EPB41: variants seen among roughly 807,000 people sequenced by gnomAD.
The protein encoded by EPB41 is erythrocyte membrane protein band 4.1.
A neutral mutation model predicts 108.0 loss-of-function variants in EPB41; 65 were observed. The ratio of observed to expected loss-of-function variants is 0.60; its 90% confidence interval spans 0.49 to 0.74. The LOEUF (loss-of-function observed/expected upper bound fraction) is 0.74, where lower values mean the gene tolerates loss of function less well. Among genes scored for constraint, EPB41 ranks in the 30% least tolerant of loss-of-function variants. EPB41 has a pLI of 0.00. For synonymous variants in EPB41, 336 were observed against 358.9 expected, an observed-to-expected ratio of 0.94 and a Z score of 0.72; for missense variants, 875 against 1,037.0, an observed-to-expected ratio of 0.84 and a Z score of 2.15.
intron 1 of EPB41, chr1:28,891,109 G>T (rs373094663): frequency 1.8e-5 from 9 of 489,802 alleles, no homozygotes; most frequent in East Asian, 1.5e-4. Flanking sequence ...TACTGCCCAG[G>T]TGCAAGACTG....
chr1:28,922,993 G>A (rs767292187), intron 1 of EPB41, among the ~76,000 whole-genome samples: 2 of 151,684 alleles, frequency 1.3e-5, no homozygotes, highest in South Asian at 4.1e-4. Context: ...CTCCCAAAGT[G>A]TTGGGATTAT....
At chr1:28,960,634 G>A (rs1053423474) in intron 1 of EPB41, among the ~76,000 whole-genome samples, 1 of 151,812 alleles carries the variant, frequency 6.6e-6, no homozygotes, top group African/African-American at 2.4e-5. Flanking sequence ...AGAGGCTGTG[G>A]TAGGAGGATC....
chr1:29,105,600 T>G (rs974546960), intron 17 of EPB41, among the ~76,000 whole-genome samples: 10 of 152,196 alleles, frequency 6.6e-5, no homozygotes, highest in Non-Finnish European at 8.8e-5. Flanking sequence ...GAATCAGTAG[T>G]TCCCTCTTTT....
intron 1 of EPB41, among the ~76,000 whole-genome samples, chr1:28,932,947 A>G (rs2093823847): frequency 6.6e-6 from 1 of 152,202 alleles, no homozygotes; most frequent in Non-Finnish European, 1.5e-5. Flanking sequence ...AAAGACACGT[A>G]TAGACATTTT....
At chr1:29,045,975 CTAAAA>C (rs920121946) in intron 11 of EPB41, among the ~76,000 whole-genome samples, 23 of 151,472 alleles carry the variant, frequency 1.5e-4, no homozygotes, top group African/African-American at 5.3e-4. Flanking sequence ...GACCCTGTCT[CTAAAA>C]TAAAATAAAA....
chr1:29,073,301 G>T (rs1231188593), intron 16 of EPB41, among the ~76,000 whole-genome samples: 1 of 151,880 alleles, frequency 6.6e-6, no homozygotes, highest in Non-Finnish European at 1.5e-5. Context: ...TTTTGCTTTG[G>T]TTTTGTCATT....
intron 1 of EPB41, among the ~76,000 whole-genome samples, chr1:28,947,692 G>A (rs1036653551): frequency 6.6e-6 from 1 of 151,964 alleles, no homozygotes; most frequent in African/African-American, 2.4e-5. Flanking sequence ...TGGGTGTGGC[G>A]GCACATCCTG....
chr1:28,935,474 C>A (rs868010546), intron 1 of EPB41, among the ~76,000 whole-genome samples: 17,476 of 89,888 alleles, frequency 0.19, 3,051 homozygotes, highest in African/African-American at 0.4. Flanking sequence ...CACACCCCCC[C>A]CCCCCCAAGA....
chr1:28,941,205 C>CAA (rs112593604), intron 1 of EPB41, among the ~76,000 whole-genome samples: 12 of 128,778 alleles, frequency 9.3e-5, no homozygotes, highest in African/African-American at 2.6e-4. Context: ...CTGTCTCTAC[C>CAA]AAAAAAAAAA....
chr1:29,043,390 A>C (rs974324131), intron 11 of EPB41, among the ~76,000 whole-genome samples: 1 of 152,216 alleles, frequency 6.6e-6, no homozygotes, highest in Non-Finnish European at 1.5e-5. Context: ...TGAGCTTGCC[A>C]TGTGTCTAGA....
chr1:28,887,730 C>T lies in EPB41; in HGVS notation c.-8+520C>T. The T allele has an allele frequency of 1.0e-6, 1 of 978,408 alleles. No individual in the cohort carries two copies. Among genetic ancestry groups the T allele is most frequent in the Non-Finnish European group, 1.2e-6 (1 of 823,588 alleles). The allele number at this position is 978,408 out of a possible 1,614,324, so 60.6% of individuals were successfully genotyped here. On this transcript the variant is annotated intron_variant, in intron 1 of 16. Transcript: ENST00000347529. This position sits in a 1 kb window ranked among gnomAD's most constrained non-coding sequence, Gnocchi z 4.9. ...GACTTTGAGTTTCCGGACCCAGGAA[C>T]CGACCCGCCAGCTGGGGCGCCGGCT...
At chr1:29,011,379 A>G (rs566602340) in intron 4 of EPB41, among the ~76,000 whole-genome samples, 2 of 152,122 alleles carry the variant, frequency 1.3e-5, no homozygotes, top group South Asian at 2.1e-4. Context: ...AGAAAAAAAA[A>G]AAAAGAAAAA....
intron 1 of EPB41, among the ~76,000 whole-genome samples, chr1:28,971,476 C>T (rs1489635307): frequency 3.3e-5 from 5 of 152,074 alleles, no homozygotes; most frequent in Admixed American, 6.6e-5. Flanking sequence ...TGAGCCACCG[C>T]GCCCGGTTGC....
upstream of EPB41, chr1:28,911,207 C>A: frequency 1.0e-6 from 1 of 980,900 alleles, no homozygotes; most frequent in Non-Finnish European, 1.2e-6. Context: ...CTTAGCCTAA[C>A]AACTGAAGAT....
At chr1:29,059,543 A>C (rs557000550) in intron 14 of EPB41, among the ~76,000 whole-genome samples, 88 of 152,204 alleles carry the variant, frequency 5.8e-4, no homozygotes, top group African/African-American at 2.0e-3. Flanking sequence ...CGGGAGGTCA[A>C]GGCAAGAGGA....
At chr1:29,088,456 T>G (rs980709603) in intron 16 of EPB41, among the ~76,000 whole-genome samples, 1 of 152,190 alleles carries the variant, frequency 6.6e-6, no homozygotes, top group Non-Finnish European at 1.5e-5. Context: ...TGAGGATGGT[T>G]CAGACACAGC....
At chr1:28,922,168 C>T (rs1208771262) in intron 1 of EPB41, among the ~76,000 whole-genome samples, 1 of 151,342 alleles carries the variant, frequency 6.6e-6, no homozygotes, top group Non-Finnish European at 1.5e-5. Context: ...CGGGGTTTCA[C>T]CGTGTTGGTT....
At chr1:29,104,515 A>AGGTG (rs1666487224) in intron 17 of EPB41, among the ~76,000 whole-genome samples, 1 of 152,160 alleles carries the variant, frequency 6.6e-6, no homozygotes, top group Non-Finnish European at 1.5e-5. Context: ...TTTTGGGCTC[A>AGGTG]AGTGATCCTC....
chr1:29,069,495 CTT>C, intron 16 of EPB41: 1 of 1,171,024 alleles, frequency 8.5e-7, no homozygotes. Context: ...AACTTTTATA[CTT>C]TTTGTTTTTC....
Sources: allele counts gnomAD v4.1 joint callset (sites outside exome capture counted in the v4.1 genomes callset), GRCh38; gene constraint gnomAD v4.1.1; non-coding constraint Gnocchi (gnomAD v3.1); transcripts MANE v1.5; gene names NCBI Gene and HGNC (gene_info 2026-07-23, HGNC 2026-07-21).